The following PTPRK variants were observed in gnomAD, a reference collection of about 807,000 sequenced individuals.
The protein encoded by PTPRK is receptor-type tyrosine-protein phosphatase kappa.
In PTPRK, 75 loss-of-function variants were observed where a neutral mutation model predicts 178.0. The observed-to-expected ratio is 0.42, with a 90% confidence interval of 0.35 to 0.51. The LOEUF (loss-of-function observed/expected upper bound fraction) is 0.51, where lower values mean the gene tolerates loss of function less well. Among genes scored for constraint, PTPRK ranks in the 20% least tolerant of loss-of-function variants. PTPRK has a pLI of 0.02. For missense variants in PTPRK, 1,441 were observed against 1,797.8 expected, an observed-to-expected ratio of 0.80 and a Z score of 3.59; for synonymous variants, 637 against 620.6, an observed-to-expected ratio of 1.03 and a Z score of -0.39.
chr6:128,421,737 A>G (rs1178311572), intron 1 of PTPRK, among the ~76,000 whole-genome samples: 2 of 152,222 alleles, frequency 1.3e-5, no homozygotes, highest in Non-Finnish European at 2.9e-5. Context: ...AACAGCAGAG[A>G]GGAGTTGATT....
chr6:128,106,998 G>C (rs1031504149), intron 7 of PTPRK, among the ~76,000 whole-genome samples: 1 of 151,984 alleles, frequency 6.6e-6, no homozygotes, highest in African/African-American at 2.4e-5. Context: ...TCAAAACTGG[G>C]TTTAAAGAAA....
At chr6:128,397,063 A>T (rs1289256001) in intron 2 of PTPRK, among the ~76,000 whole-genome samples, 1 of 152,032 alleles carries the variant, frequency 6.6e-6, no homozygotes, top group Admixed American at 6.6e-5. Context: ...CACATAAAAG[A>T]TCTCCATTTG....
chr6:128,417,347 C>T (rs555900656), intron 1 of PTPRK, among the ~76,000 whole-genome samples: 2 of 152,254 alleles, frequency 1.3e-5, no homozygotes, highest in East Asian at 3.9e-4. Flanking sequence ...TTCAAAATTG[C>T]CCTATGGATC....
chr6:128,221,540 AT>A (rs1277423277), intron 5 of PTPRK, among the ~76,000 whole-genome samples: 2 of 151,232 alleles, frequency 1.3e-5, no homozygotes, highest in African/African-American at 4.8e-5. Context: ...AAAAAAAATA[AT>A]AATAATAATA....
chr6:128,385,911 GAAATAA>G (rs1430347725), intron 2 of PTPRK, among the ~76,000 whole-genome samples: 4 of 152,122 alleles, frequency 2.6e-5, no homozygotes, highest in African/African-American at 7.2e-5. Flanking sequence ...ATGACTTCAT[GAAATAA>G]ACTATAATCC....
At position 127,973,712 on chromosome 6, in the gene PTPRK, C is replaced by A. The variant is rs1774199411; in HGVS notation, c.4085G>T (p.Trp1362Leu). ...FLKLILQVEK[W>L]QEECEEGEGR... The stretch of plus-strand genomic sequence containing the variant: ...TTCCCCTTCCTCGCATTCCTCCTGC[C>A]ACTTTTCCACCTGAAGTATCAGTTT... The change falls in exon 28 of 30, where the codon TGG (tryptophan) becomes TTG (leucine). Residue 1362 changes from tryptophan (W) to leucine (L), a missense_variant. By Grantham distance (61) the Trp-to-Leu change is moderately conservative (BLOSUM62 -2). Coordinates refer to ENST00000368226, the MANE Select transcript of PTPRK (RefSeq NM_002844.4). The A allele has an allele frequency of 6.2e-7, 1 of 1,613,896 alleles. No individual in the cohort carries two copies. Among genetic ancestry groups the A allele is most frequent in the Non-Finnish European group, 8.5e-7 (1 of 1,179,962 alleles).
rs187681679 is a variant in PTPRK at position 128,227,082 on chromosome 6, A to T, written c.694-7986T>A. Among the ~76,000 whole-genome samples, 622 of 152,222 alleles carry T rather than the reference A, an allele frequency of 4.1e-3. 3 individuals are homozygous for T. Among genetic ancestry groups the T allele is most frequent in the African/African-American group, 0.014 (597 of 41,546 alleles). ...AAATATCACTCTTAGATATACTCCTAATCAAGTATCTATGGAAGGCAAAGT... is the reference window on the plus strand; with the variant it reads ...AAATATCACTCTTAGATATACTCCTTATCAAGTATCTATGGAAGGCAAAGT... On this transcript the variant is annotated intron_variant, in intron 5 of 29. Coordinates refer to ENST00000368226, the MANE Select transcript of PTPRK (RefSeq NM_002844.4).
At chr6:128,124,795 G>A (rs1292825012) in intron 7 of PTPRK, among the ~76,000 whole-genome samples, 1 of 152,084 alleles carries the variant, frequency 6.6e-6, no homozygotes, top group Admixed American at 6.5e-5. Flanking sequence ...GCCTCCGGGA[G>A]GAAAAAAGAA....
chr6:128,105,632 A>C (rs1263956828), intron 7 of PTPRK, among the ~76,000 whole-genome samples: 3 of 152,230 alleles, frequency 2.0e-5, no homozygotes, highest in African/African-American at 7.2e-5. Context: ...GGAAGAACAG[A>C]TCTTTGGTGT....
rs114921800 is a variant in PTPRK, at chr6:128,188,804, G to A, written c.869-4079C>T. On this transcript the variant is annotated intron_variant, in intron 6 of 29. Coordinates refer to ENST00000368226, the MANE Select transcript of PTPRK (RefSeq NM_002844.4). The stretch of plus-strand genomic sequence containing the variant: ...AACTTCTGGTGGTGCTGGTATTCCT[G>A]TCCCTCCAAATTCCTTTCATTTGTT... Among the ~76,000 whole-genome samples, 658 of 152,206 alleles carry A rather than the reference G, an allele frequency of 4.3e-3. 3 individuals carry two copies. Among genetic ancestry groups the A allele is most frequent in the African/African-American group, 0.015 (632 of 41,532 alleles).
At position 127,998,806 on chromosome 6, in the gene PTPRK, G is replaced by T; in HGVS notation, c.2593C>A (p.His865Asn). Residue 865 changes from histidine to asparagine, a missense_variant, in exon 16 of 30, where the codon CAT (histidine) becomes AAT (asparagine). Coordinates refer to ENST00000368226, the MANE Select transcript of PTPRK (RefSeq NM_002844.4). The part of the protein sequence containing the change: ...TESPYQTGQL[H>N]PAIRVADLLQ... ...AAATCAGCTACCCTGATGGCTGGAT[G>T]CAGCTGTCCTGTCTGGTAAGGGGAT... is the stretch of plus-strand genomic sequence containing the variant. 6.2e-7 allele frequency: 1 copy of T among 1,610,940 alleles called. No homozygotes were observed. Among genetic ancestry groups the T allele is most frequent in the Non-Finnish European group, 8.5e-7 (1 of 1,178,084 alleles).
rs143068518 is a variant in PTPRK at position 128,322,105 on chromosome 6, T to A, written c.429A>T (p.Gly143=). ...PLANPIWNVT[G]FTGRDWLRAE... ...CCCGAAGCCAATCTCTACCCGTGAA[T>A]CCAGTCACATTCCAAATTGGATTGG... The change falls in exon 3 of 30, where the codon GGA becomes GGT. Residue 143 remains glycine (G), a synonymous_variant. Coordinates refer to ENST00000368226, the MANE Select transcript of PTPRK (RefSeq NM_002844.4). 4.2e-5 allele frequency: 68 copies of A among 1,613,798 alleles called. No homozygotes were observed. The highest frequency in any genetic ancestry group is 5.5e-5 in the Non-Finnish European group (65 of 1,179,910).
At chr6:128,062,485 CA>C (rs1781019472) in intron 13 of PTPRK, 1 of 166,094 alleles carries the variant, frequency 6.0e-6, no homozygotes, top group African/African-American at 2.5e-5. Context: ...AACAAGCGAA[CA>C]AAAAACCCTT....
In PTPRK at chr6:128,215,482, C is replaced by T. The variant is rs34253080; in HGVS notation, c.868+3440G>A. ...CTGCATCTCATCTCTATAAAAACTT[C>T]TTTGTCAATAGAGATTGGCCTCCAT... On this transcript the variant is annotated intron_variant, in intron 6 of 29. Transcript: ENST00000368226. Among the ~76,000 whole-genome samples, 479 of 152,278 alleles carry T rather than the reference C, an allele frequency of 3.1e-3. 1 individual carries two copies. The highest frequency in any genetic ancestry group is 0.011 in the African/African-American group (468 of 41,556).
intron 6 of PTPRK, among the ~76,000 whole-genome samples, chr6:128,212,534 CAA>C (rs1464762088): frequency 6.6e-6 from 1 of 151,938 alleles, no homozygotes; most frequent in Admixed American, 6.6e-5. Flanking sequence ...TCACAAACTC[CAA>C]GAGAAGAGAA....
intron 1 of PTPRK, among the ~76,000 whole-genome samples, chr6:128,487,727 C>A (rs117324814): frequency 6.6e-6 from 1 of 152,100 alleles, no homozygotes; most frequent in South Asian, 2.1e-4. Flanking sequence ...GTTTTCCCTG[C>A]GTCTTTGGGC....
At chr6:128,262,033 C>A (rs1818253767) in intron 3 of PTPRK, among the ~76,000 whole-genome samples, 1 of 152,190 alleles carries the variant, frequency 6.6e-6, no homozygotes, top group Admixed American at 6.6e-5. Flanking sequence ...AAACTCTCCA[C>A]ATGTGCAAAT....
At chr6:128,108,669 T>C (rs534047135) in intron 7 of PTPRK, among the ~76,000 whole-genome samples, 1 of 152,280 alleles carries the variant, frequency 6.6e-6, no homozygotes, top group Admixed American at 6.5e-5. Context: ...AGTAATGATA[T>C]ACAAAGAATT....
chr6:128,136,491 A>C (rs2114488443), intron 7 of PTPRK, among the ~76,000 whole-genome samples: 1 of 151,952 alleles, frequency 6.6e-6, no homozygotes, highest in South Asian at 2.1e-4. Flanking sequence ...TTTGATTCAA[A>C]TATTTTTTTA....
Sources: gnomAD v4.1 joint callset for allele counts (sites outside exome capture counted in the v4.1 genomes callset) on GRCh38, gnomAD v4.1.1 for gene constraint, MANE v1.5 for transcripts, NCBI Gene and HGNC (gene_info 2026-07-23, HGNC 2026-07-21) for gene names.